TASP1: variants seen among roughly 807,000 people sequenced by gnomAD.
The protein encoded by TASP1 is threonine aspartase 1.
TASP1 carries 16 observed loss-of-function variants against 56.6 expected under a neutral mutation model. That is an observed-to-expected ratio of 0.28 (90% CI 0.19 to 0.43). The LOEUF is 0.43. TASP1 is among the 20% of genes least tolerant of loss of function. TASP1 has a pLI of 1.00. For missense variants in TASP1, 393 were observed against 511.6 expected (o/e 0.77, Z 2.24); for synonymous variants, 179 against 184.2 (o/e 0.97, Z 0.23).
the TASP1 span, among the ~76,000 whole-genome samples, chr20:13,302,614 T>C: frequency 1.1e-4 from 17 of 152,180 alleles, no homozygotes; most frequent in African/African-American, 3.9e-4. Flanking sequence ...CAAGGCCACT[T>C]CCACAGAAAA....
the TASP1 span, among the ~76,000 whole-genome samples, chr20:13,254,140 G>A: frequency 1.8e-3 from 274 of 151,754 alleles, 1 homozygote; most frequent in African/African-American, 5.9e-3. Context: ...GACTGAGGCA[G>A]GAGAATCACT....
chr20:13,305,725 G>A, the TASP1 span, among the ~76,000 whole-genome samples: 1 of 152,154 alleles, frequency 6.6e-6, no homozygotes, highest in Admixed American at 6.5e-5. Context: ...AGAGTAGAAG[G>A]AGAGGGACAT....
intron 4 of TASP1, 85 bp downstream of exon 4, chr20:13,623,361 T>C: frequency 8.8e-7 from 1 of 1,140,648 alleles, no homozygotes; most frequent in Non-Finnish European, 1.3e-6. Context: ...TAATTTATGG[T>C]TGACTAACTC....
At chr20:13,329,559 TC>T in the TASP1 span, among the ~76,000 whole-genome samples, 15 of 151,850 alleles carry the variant, frequency 9.9e-5, no homozygotes, top group Non-Finnish European at 2.1e-4. Flanking sequence ...TTGTTTTTTT[TC>T]ATTTCAGTTT....
intron 11 of TASP1, among the ~76,000 whole-genome samples, chr20:13,440,243 T>C (rs2043167173): frequency 6.6e-6 from 1 of 152,040 alleles, no homozygotes; most frequent in Non-Finnish European, 1.5e-5. Context: ...CTCAAAGAGA[T>C]TACCTCCCAT....
At position 13,637,424 on chromosome 20, in the gene TASP1, A is replaced by G. The variant is rs536857398; in HGVS notation, c.-75+1470T>C. Among the ~76,000 whole-genome samples, 30 of 152,378 alleles carry G rather than the reference A, an allele frequency of 2.0e-4. 2 individuals are homozygous for G. Among genetic ancestry groups the G allele is most frequent in the African/African-American group, 7.0e-4 (29 of 41,594 alleles). On this transcript the variant is annotated intron_variant, in intron 1 of 13. Coordinates refer to ENST00000337743, the MANE Select transcript of TASP1 (RefSeq NM_017714.3). ...GAGAACTGAAAACGTATGTCCATAC[A>G]AAAACTTGTACACAGATGTTTATAG...
intron 9 of TASP1, among the ~76,000 whole-genome samples, chr20:13,533,179 T>C (rs1425907635): frequency 1.3e-5 from 2 of 152,164 alleles, no homozygotes; most frequent in African/African-American, 4.8e-5. Context: ...TCTTCAAATG[T>C]GACAAAGTAC....
intron 10 of TASP1, among the ~76,000 whole-genome samples, chr20:13,513,422 G>A (rs957536165): frequency 6.6e-6 from 1 of 151,988 alleles, no homozygotes; most frequent in African/African-American, 2.4e-5. Context: ...GGGAGGGAGA[G>A]AGACAGAAGG....
intron 10 of TASP1, among the ~76,000 whole-genome samples, chr20:13,497,116 C>T (rs1292080130): frequency 1.3e-5 from 2 of 152,168 alleles, no homozygotes; most frequent in Admixed American, 6.5e-5. Context: ...TCACTAATAG[C>T]TCCAAAAATG....
chr20:13,483,934 T>C (rs537037250), intron 10 of TASP1, among the ~76,000 whole-genome samples: 7 of 152,210 alleles, frequency 4.6e-5, no homozygotes, highest in African/African-American at 1.4e-4. Context: ...ATATCCAGAA[T>C]CTACAATGAA....
At chr20:13,221,219 ACTCCTCCTCCTCCTC>A in the TASP1 span, among the ~76,000 whole-genome samples, 159 of 82,764 alleles carry the variant, frequency 1.9e-3, 1 homozygote, top group Middle Eastern at 0.015. Flanking sequence ...AAGCCCTCCT[ACTCCTCCTCCTCCTC>A]CTCCTCCTCC....
downstream of TASP1, among the ~76,000 whole-genome samples, chr20:13,389,040 AG>A (rs2041187181): frequency 6.6e-6 from 1 of 152,212 alleles, no homozygotes; most frequent in South Asian, 2.1e-4. Context: ...TAAAAAAAAA[AG>A]AAAAAATCAA....
At chr20:13,461,873 C>T (rs879387304) in intron 11 of TASP1, among the ~76,000 whole-genome samples, 1 of 152,140 alleles carries the variant, frequency 6.6e-6, no homozygotes, top group Admixed American at 6.6e-5. Flanking sequence ...TAGTCCAACC[C>T]CTGAGGCAGA....
Position 13,521,668 on chromosome 20 carries a change from T to C in TASP1, c.874+6765A>G, listed in dbSNP as rs566326718. On this transcript the variant is annotated intron_variant, in intron 10 of 13. Transcript: ENST00000337743. The stretch of plus-strand genomic sequence containing the variant: ...AGGGGGGAGGGATAGCATTAGGAGA[T>C]ATACCTAATGTTAAATGACGAGTTA... Among the ~76,000 whole-genome samples, 7 of 151,288 alleles carry C rather than the reference T, an allele frequency of 4.6e-5. 1 individual carries two copies. The South Asian group carries it at 8.4e-4, about 18-fold the overall frequency.
At chr20:13,431,595 G>A (rs2042809411) in intron 12 of TASP1, among the ~76,000 whole-genome samples, 1 of 152,146 alleles carries the variant, frequency 6.6e-6, no homozygotes, top group Non-Finnish European at 1.5e-5. Flanking sequence ...GTTGACAGAG[G>A]TTGAGGTGAG....
At chr20:13,324,359 G>T in the TASP1 span, among the ~76,000 whole-genome samples, 1 of 152,202 alleles carries the variant, frequency 6.6e-6, no homozygotes, top group Non-Finnish European at 1.5e-5. Flanking sequence ...TAAATGTGAG[G>T]TGTGTTTTTT....
chr20:13,571,249 T>C (rs2046702091), intron 6 of TASP1, among the ~76,000 whole-genome samples: 1 of 152,144 alleles, frequency 6.6e-6, no homozygotes, highest in African/African-American at 2.4e-5. Context: ...TTCCTCAACA[T>C]AAAAAAGTAT....
At chr20:13,319,599 A>G in the TASP1 span, among the ~76,000 whole-genome samples, 5 of 152,224 alleles carry the variant, frequency 3.3e-5, no homozygotes, top group African/African-American at 1.2e-4. Flanking sequence ...CCCACATTCT[A>G]TCTCCTTTAT....
the TASP1 span, among the ~76,000 whole-genome samples, chr20:13,325,834 A>G: frequency 6.6e-6 from 1 of 152,194 alleles, no homozygotes; most frequent in African/African-American, 2.4e-5. Context: ...ACACTTTAAA[A>G]GAAAACATTG....
Sources: gnomAD v4.1 joint callset for allele counts (sites outside exome capture counted in the v4.1 genomes callset) on GRCh38, gnomAD v4.1.1 for gene constraint, MANE v1.5 for transcripts, NCBI Gene and HGNC (gene_info 2026-07-23, HGNC 2026-07-21) for gene names.